Variants in STK24 observed in about 807,000 individuals in gnomAD.
The protein encoded by STK24 is serine/threonine-protein kinase 24.
A neutral mutation model predicts 55.6 loss-of-function variants in STK24; 21 were observed. That is an observed-to-expected ratio of 0.38 (90% CI 0.27 to 0.54). The LOEUF is 0.54. Among genes scored for constraint, STK24 ranks in the 20% least tolerant of loss-of-function variants. The pLI, the probability that STK24 is intolerant of heterozygous loss-of-function variation, is 0.79. For synonymous variants in STK24, 200 were observed against 215.2 expected (o/e 0.93, Z 0.62); for missense variants, 383 against 538.4 (o/e 0.71, Z 2.86).
At chr13:98,576,272 CCCTGCCCAGGTCTCCCGCCCG>C (rs1897889609) in intron 1 of STK24, 1 of 963,634 alleles carries the variant, frequency 1.0e-6, no homozygotes, top group Non-Finnish European at 1.2e-6. Context: ...CCCGTCCCCG[CCCTGCCCAGGTCTCCCGCCCG>C]CCTGCCCGGG....
In STK24 at chr13:98,447,140, T is replaced by C. The variant is rs2281768; in HGVS notation, c.*6033A>G. The stretch of plus-strand genomic sequence containing the variant: ...GCCTACATGGTGTAATGGCAGGGAC[T>C]GCAGACTTCATTTAGCCAAGAAAGA... On this transcript the variant is annotated 3_prime_UTR_variant, in exon 11 of 11. Transcript: ENST00000539966. 170,858 of 257,916 alleles carry C rather than the reference T, an allele frequency of 0.66. 59,082 individuals carry two copies. Among genetic ancestry groups the C allele is most frequent in the Non-Finnish European group, 0.76 (101,606 of 133,576 alleles). 16.0% of individuals were successfully genotyped at this position (257,916 alleles called of 1,614,324 possible).
intron 2 of STK24, among the ~76,000 whole-genome samples, chr13:98,496,031 G>A (rs1895240611): frequency 6.6e-6 from 1 of 152,198 alleles, no homozygotes; most frequent in Admixed American, 6.5e-5. Flanking sequence ...ACTGATCAGG[G>A]AGGCAGCCGA....
At chr13:98,479,061 T>C (rs895213829) in intron 3 of STK24, among the ~76,000 whole-genome samples, 1 of 152,150 alleles carries the variant, frequency 6.6e-6, no homozygotes, top group African/African-American at 2.4e-5. Flanking sequence ...CACAACTCTA[T>C]GCTGAATGAA....
At chr13:98,553,636 A>C (rs2139438556) in intron 1 of STK24, 1 of 152,948 alleles carries the variant, frequency 6.5e-6, no homozygotes, top group South Asian at 2.1e-4. Context: ...GGGAGAGACA[A>C]CACTGCTGCA....
chr13:98,495,245 G>A (rs9513432), intron 2 of STK24, among the ~76,000 whole-genome samples: 10,129 of 152,224 alleles, frequency 0.067, 473 homozygotes, highest in Non-Finnish European at 0.098. Context: ...CTGGAAATAA[G>A]TCTCCTTTTA....
chr13:98,475,332 G>A lies in STK24; in HGVS notation c.357C>T (p.Thr119=). The change falls in exon 4 of 11, where the codon ACC becomes ACT. Residue 119 remains threonine, a synonymous_variant. Coordinates refer to ENST00000539966, the MANE Select transcript of STK24 (RefSeq NM_001032296.4). ...DLLEPGPLDE[T]QIATILREIL... ...TTTCTCTTAATATAGTAGCGATCTGGGTTTCATCTAATGGGCCAGGTTCTA... is the reference window on the plus strand; with the variant it reads ...TTTCTCTTAATATAGTAGCGATCTGAGTTTCATCTAATGGGCCAGGTTCTA... 1 of 1,611,934 alleles carries A rather than the reference G, an allele frequency of 6.2e-7. No individual in the cohort carries two copies. Among genetic ancestry groups the A allele is most frequent in the Non-Finnish European group, 8.5e-7 (1 of 1,179,282 alleles).
intron 2 of STK24, among the ~76,000 whole-genome samples, chr13:98,493,233 C>CGT (rs889701936): frequency 3.9e-5 from 6 of 152,194 alleles, no homozygotes; most frequent in Non-Finnish European, 8.8e-5. Context: ...TGCGTGTGTG[C>CGT]GTGTGCTCGC....
intron 1 of STK24, among the ~76,000 whole-genome samples, chr13:98,558,041 T>C (rs1186676833): frequency 6.6e-6 from 1 of 152,186 alleles, no homozygotes. Flanking sequence ...CTGAGCCTTA[T>C]ACTTCCATAA....
chr13:98,524,634 T>C (rs763294024), intron 1 of STK24, among the ~76,000 whole-genome samples: 2 of 152,218 alleles, frequency 1.3e-5, no homozygotes, highest in Non-Finnish European at 2.9e-5. Flanking sequence ...CGTTATTGTT[T>C]TAGGTTGCTA....
intron 1 of STK24, among the ~76,000 whole-genome samples, chr13:98,574,022 T>A (rs1467568142): frequency 6.6e-6 from 1 of 152,008 alleles, no homozygotes; most frequent in Admixed American, 6.5e-5. Flanking sequence ...TATTTTATTT[T>A]TTTTTTTGAG....
chr13:98,548,861 CAAAAA>C (rs55793722), intron 1 of STK24, among the ~76,000 whole-genome samples: 4 of 37,798 alleles, frequency 1.1e-4, no homozygotes, highest in South Asian at 2.1e-3. Context: ...GACTCTGTCT[CAAAAA>C]AAAAAAAAAA....
intron 5 of STK24, among the ~76,000 whole-genome samples, chr13:98,472,771 G>GT (rs1258174052): frequency 6.6e-6 from 1 of 152,084 alleles, no homozygotes; most frequent in African/African-American, 2.4e-5. Flanking sequence ...TGACTTATGG[G>GT]TTCACATCAT....
In STK24 at chr13:98,497,172, C is replaced by T. The variant is rs368038346; in HGVS notation, c.274-14851G>A. ...GCCCGCGGCACAGTCCTGCTTTCCT[C>T]ACCGCCTTCCTCTGGGGTCTGCCTC... On this transcript the variant is annotated intron_variant, in intron 2 of 10. Transcript: ENST00000539966. Among the ~76,000 whole-genome samples the T allele has an allele frequency of 2.0e-5, 3 of 152,284 alleles. No individual in the cohort carries two copies. In the East Asian group the frequency reaches 5.8e-4, roughly 29 times the overall value.
At chr13:98,476,027 T>A (rs1894359318) in intron 3 of STK24, among the ~76,000 whole-genome samples, 1 of 151,568 alleles carries the variant, frequency 6.6e-6, no homozygotes, top group Non-Finnish European at 1.5e-5. Context: ...ATATAATAGA[T>A]ATTATATAAT....
rs140563570 is a variant in STK24 at position 98,460,578 on chromosome 13, C to T, written c.1054-138G>A. ...ACGCTGAGGAAACACCCTCTGCGCA[C>T]CATAACATCTGAAGGAGACTATCGG... On this transcript the variant is annotated intron_variant, in intron 8 of 10. Coordinates refer to ENST00000539966, the MANE Select transcript of STK24 (RefSeq NM_001032296.4). 60 of 660,440 alleles carry T rather than the reference C, an allele frequency of 9.1e-5. No homozygotes were observed. The African/African-American group carries it at 1.1e-3, about 12-fold the overall frequency. The allele number at this position is 660,440 out of a possible 1,614,324, so 40.9% of individuals were successfully genotyped here.
chr13:98,534,034 C>CT (rs1403598304), intron 1 of STK24, among the ~76,000 whole-genome samples: 1 of 152,260 alleles, frequency 6.6e-6, no homozygotes, highest in Non-Finnish European at 1.5e-5. Context: ...CCACCTGGTG[C>CT]TAGCGGGCAC....
chr13:98,465,072 G>A (rs1459830419), intron 6 of STK24, among the ~76,000 whole-genome samples: 2 of 152,160 alleles, frequency 1.3e-5, no homozygotes, highest in Non-Finnish European at 2.9e-5. Flanking sequence ...TCAGCTGCCT[G>A]CCTTGAGGAT....
At chr13:98,534,895 A>G (rs1896671352) in intron 1 of STK24, among the ~76,000 whole-genome samples, 1 of 152,254 alleles carries the variant, frequency 6.6e-6, no homozygotes, top group African/African-American at 2.4e-5. Context: ...GGTCTCCTGT[A>G]TAGCCAGCAC....
intron 2 of STK24, among the ~76,000 whole-genome samples, chr13:98,513,425 A>T (rs1029238073): frequency 1.3e-5 from 2 of 152,192 alleles, no homozygotes; most frequent in Non-Finnish European, 2.9e-5. Flanking sequence ...GGACGTGATA[A>T]GCATCCCTGG....
Sources: allele counts gnomAD v4.1 joint callset (sites outside exome capture counted in the v4.1 genomes callset), GRCh38; gene constraint gnomAD v4.1.1; transcripts MANE v1.5; gene names NCBI Gene and HGNC (gene_info 2026-07-23, HGNC 2026-07-21).